TENM4: variants seen among roughly 807,000 people sequenced by gnomAD.
TENM4 encodes teneurin transmembrane protein 4, also known as teneurin-4.
In TENM4, 82 loss-of-function variants were observed where a neutral mutation model predicts 243.3. The observed-to-expected ratio is 0.34, with a 90% CI of 0.28 to 0.40. The LOEUF is 0.40. Among genes scored for constraint, TENM4 ranks in the 10% least tolerant of loss-of-function variants. TENM4 has a pLI of 1.00. For missense variants in TENM4, 3,138 were observed against 3,673.3 expected, an observed-to-expected ratio of 0.85 and a Z score of 3.77; for synonymous variants, 1,412 against 1,456.3, an observed-to-expected ratio of 0.97 and a Z score of 0.69.
chr11:78,670,651 AG>A, intron 31 of TENM4, 100 bp from the exon 32 acceptor site: 1 of 1,195,812 alleles, frequency 8.4e-7, no homozygotes, highest in Non-Finnish European at 1.2e-6. Flanking sequence ...ATGTCCAAGG[AG>A]AATCCTGAGT....
At chr11:78,866,630 C>T (rs889798411) in intron 9 of TENM4, among the ~76,000 whole-genome samples, 1 of 152,040 alleles carries the variant, frequency 6.6e-6, no homozygotes, top group African/African-American at 2.4e-5. Flanking sequence ...GTGTTGGCAC[C>T]CCTTCCTCTC....
chr11:79,285,959 G>A (rs1435244353), intron 2 of TENM4, among the ~76,000 whole-genome samples: 3 of 152,112 alleles, frequency 2.0e-5, no homozygotes, highest in Non-Finnish European at 4.4e-5. Context: ...TTAGATTGTG[G>A]TGATGGTTGC....
At chr11:78,799,686 T>C (rs1857240558) in intron 15 of TENM4, among the ~76,000 whole-genome samples, 1 of 152,230 alleles carries the variant, frequency 6.6e-6, no homozygotes, top group Admixed American at 6.5e-5. Context: ...CTGCACGTGT[T>C]ACCTCCAAAC....
chr11:79,006,017 C>T (rs2136725990), intron 6 of TENM4, among the ~76,000 whole-genome samples: 1 of 152,246 alleles, frequency 6.6e-6, no homozygotes, highest in East Asian at 1.9e-4. Context: ...TTCACCACAA[C>T]AGAATTATAT....
chr11:79,358,680 C>CCCTCCCTTG (rs140412653), intron 1 of TENM4, among the ~76,000 whole-genome samples: 1 of 148,102 alleles, frequency 6.8e-6, no homozygotes, highest in Non-Finnish European at 1.5e-5. Flanking sequence ...CTCCTTCCCT[C>CCCTCCCTTG]CCTCCCTTGC....
intron 4 of TENM4, among the ~76,000 whole-genome samples, chr11:79,131,906 C>T (rs1332621411): frequency 6.6e-6 from 1 of 152,116 alleles, no homozygotes; most frequent in Non-Finnish European, 1.5e-5. Context: ...TCAGACAAAA[C>T]AAACTTTAAA....
intron 15 of TENM4, among the ~76,000 whole-genome samples, chr11:78,793,778 G>T (rs577123540): frequency 1.9e-4 from 29 of 152,322 alleles, no homozygotes; most frequent in Admixed American, 4.6e-4. Flanking sequence ...AAACAGCTTG[G>T]AGACATTAAG....
At chr11:79,418,740 C>T (rs567049160) in intron 1 of TENM4, among the ~76,000 whole-genome samples, 1 of 152,222 alleles carries the variant, frequency 6.6e-6, no homozygotes, top group Non-Finnish European at 1.5e-5. Context: ...AGAGGTGGCT[C>T]TTGTATGTCC....
At chr11:78,957,811 T>A (rs1416901866) in intron 6 of TENM4, among the ~76,000 whole-genome samples, 1 of 152,226 alleles carries the variant, frequency 6.6e-6, no homozygotes, top group Admixed American at 6.5e-5. Context: ...TCATCTCATA[T>A]AACAGGGGCT....
At chr11:78,837,895 T>G (rs1000091853) in intron 12 of TENM4, among the ~76,000 whole-genome samples, 2 of 152,216 alleles carry the variant, frequency 1.3e-5, no homozygotes, top group African/African-American at 2.4e-5. Context: ...TGCCACAATT[T>G]TAAACAATGC....
Position 78,658,445 on chromosome 11 carries a change from C to G in TENM4, c.7923G>C (p.Leu2641=). The G allele has an allele frequency of 6.2e-7, 1 of 1,614,052 alleles. No individual in the cohort carries two copies. The highest frequency in any genetic ancestry group is 8.5e-7 in the Non-Finnish European group (1 of 1,179,908). The change falls in exon 34 of 34, where the codon CTG becomes CTC. Residue 2641 remains leucine (L), a synonymous_variant. Coordinates refer to ENST00000278550, the MANE Select transcript of TENM4 (RefSeq NM_001098816.3). ...ILGLSGGRRT[L]ENGVNVTVSQ... ...ACACAGTGACGTTGACCCCATTCTC[C>G]AGGGTTCGCCGCCCCCCACTGAGGC...
rs1862399730 is a variant in TENM4 at position 79,146,625 on chromosome 11, AAC to A, written c.-66+2083_-66+2084del. 2.0e-5 allele frequency among the ~76,000 whole-genome samples: 3 copies of A among 152,052 alleles called. No homozygotes were observed. In the South Asian group the frequency reaches 6.2e-4, roughly 31 times the overall value. ...TTCCTTTTATCTAACGAGTTAACACAACATTCCCTAAACTCTGAGAAAAACAA... is the reference window on the plus strand; with the variant it reads ...TTCCTTTTATCTAACGAGTTAACACAATTCCCTAAACTCTGAGAAAAACAA... On this transcript the variant is annotated intron_variant, in intron 4 of 33. Transcript: ENST00000278550.
intron 6 of TENM4, among the ~76,000 whole-genome samples, chr11:78,940,123 C>T (rs973381473): frequency 1.3e-5 from 2 of 152,102 alleles, no homozygotes; most frequent in South Asian, 4.1e-4. Context: ...TCCTCCTAGT[C>T]TTTTCTTTTA....
intron 2 of TENM4, among the ~76,000 whole-genome samples, chr11:79,266,929 A>G (rs1421804598): frequency 6.6e-6 from 1 of 152,176 alleles, no homozygotes; most frequent in Non-Finnish European, 1.5e-5. Context: ...GAGATACAAA[A>G]CACGTTGGGA....
intron 6 of TENM4, among the ~76,000 whole-genome samples, chr11:79,054,611 C>A (rs1231284638): frequency 6.6e-6 from 1 of 151,688 alleles, no homozygotes; most frequent in Non-Finnish European, 1.5e-5. Context: ...CCTCAGTCTT[C>A]TGAGTATCTG....
At position 78,861,054 on chromosome 11, in the gene TENM4, C is replaced by A. The variant is rs1172757892; in HGVS notation, c.1255+1908G>T. Among the ~76,000 whole-genome samples, 42 of 152,170 alleles carry A rather than the reference C, an allele frequency of 2.8e-4. 1 individual carries two copies. Among genetic ancestry groups the A allele is most frequent in the Admixed American group, 2.6e-3 (40 of 15,278 alleles). ...GAAAATACGTTTTGCCAAATGAGAT[C>A]CTTTACCAGTTCCTTGAGGGTTAAG... is the stretch of plus-strand genomic sequence containing the variant. On this transcript the variant is annotated intron_variant, in intron 10 of 33. Transcript: ENST00000278550.
At chr11:79,165,044 G>A (rs2135100709) in intron 3 of TENM4, among the ~76,000 whole-genome samples, 1 of 151,298 alleles carries the variant, frequency 6.6e-6, no homozygotes, top group Admixed American at 6.6e-5. Flanking sequence ...CTCATTGACT[G>A]ATGAGCATTT....
chr11:78,744,963 G>A (rs1407695803), intron 19 of TENM4, among the ~76,000 whole-genome samples: 1 of 152,170 alleles, frequency 6.6e-6, no homozygotes, highest in Admixed American at 6.5e-5. Flanking sequence ...AATATTAGGA[G>A]TAGAAGAAGT....
At chr11:79,092,653 C>T (rs924749969) in intron 4 of TENM4, among the ~76,000 whole-genome samples, 2 of 152,228 alleles carry the variant, frequency 1.3e-5, no homozygotes, top group East Asian at 1.9e-4. Context: ...TTCTTATCCC[C>T]TGCTCAATGA....
Sources: allele counts gnomAD v4.1 joint callset (sites outside exome capture counted in the v4.1 genomes callset), GRCh38; gene constraint gnomAD v4.1.1; transcripts MANE v1.5; gene names NCBI Gene and HGNC (gene_info 2026-07-23, HGNC 2026-07-21).